The following VPS33A variants were observed in gnomAD, a reference collection of about 807,000 sequenced individuals.
The protein encoded by VPS33A is vacuolar protein sorting-associated protein 33A.
A neutral mutation model predicts 71.8 loss-of-function variants in VPS33A; 32 were observed. That is an observed-to-expected ratio of 0.45 (90% CI 0.34 to 0.60). The LOEUF (loss-of-function observed/expected upper bound fraction) is 0.60. Ranked by LOEUF, VPS33A falls within the 20% of genes least tolerant of loss-of-function variation. The probability of loss-of-function intolerance (pLI) is 0.02; values close to 1 mark genes in which losing one functional copy is unlikely to be tolerated. For missense variants in VPS33A, 625 were observed against 748.5 expected, an observed-to-expected ratio of 0.84 and a Z score of 1.92; for synonymous variants, 311 against 292.7, an observed-to-expected ratio of 1.06 and a Z score of -0.64.
At chr12:122,253,668 AT>A (rs755629923) in intron 4 of VPS33A, 1 of 154,114 alleles carries the variant, frequency 6.5e-6, no homozygotes, top group Non-Finnish European at 1.5e-5. Flanking sequence ...TTTTTAAAAG[AT>A]GTAAAAGTTA....
At chr12:122,260,084 T>C (rs1389056650) in intron 4 of VPS33A, among the ~76,000 whole-genome samples, 1 of 152,050 alleles carries the variant, frequency 6.6e-6, no homozygotes, top group South Asian at 2.1e-4. Flanking sequence ...AGCGAATTCA[T>C]ACAGACTGAA....
rs145837295 is a variant in VPS33A at position 122,235,132 on chromosome 12, A to AT, written c.1440+653dup. ...CTAAAGGCTCATACTACCACTGGCC[A>AT]TTTTTTTTGTAGAGACAAGGTTTTG... is the stretch of plus-strand genomic sequence containing the variant. On this transcript the variant is annotated intron_variant, in intron 11 of 12. Coordinates refer to ENST00000267199, the MANE Select transcript of VPS33A (RefSeq NM_022916.6). 6.6e-5 allele frequency among the ~76,000 whole-genome samples: 10 copies of AT among 151,132 alleles called. 1 individual carries two copies. In the South Asian group the frequency reaches 1.5e-3, roughly 22 times the overall value.
In VPS33A at chr12:122,249,940, A is replaced by T. The variant is rs954187974; in HGVS notation, c.706T>A (p.Leu236Ile). The T allele has an allele frequency of 3.1e-6, 5 of 1,614,174 alleles. No individual in the cohort carries two copies. The highest frequency in any genetic ancestry group is 4.2e-6 in the Non-Finnish European group (5 of 1,180,030). ...AGCTGAGTGGCAAGAGGTGTTAATAAATCCACATTCCGATCAAGCAACAAG... is the reference window on the plus strand; with the variant it reads ...AGCTGAGTGGCAAGAGGTGTTAATATATCCACATTCCGATCAAGCAACAAG... ...NLLLLDRNVD[L>I]LTPLATQLTY... The change falls in exon 6 of 13, where the codon TTA (leucine) becomes ATA (isoleucine). Residue 236 changes from leucine to isoleucine, a missense_variant. By Grantham distance (5) the Leu-to-Ile change is conservative. Transcript: ENST00000267199.
rs5801475 is a variant in VPS33A, at chr12:122,239,749, C to CAAAAAAAAAAAAAAAAAA, written c.1164+111_1164+128dup. The CAAAAAAAAAAAAAAAAAA allele has an allele frequency of 1.1e-3, 222 of 197,832 alleles. 42 individuals are homozygous for CAAAAAAAAAAAAAAAAAA. Among genetic ancestry groups the CAAAAAAAAAAAAAAAAAA allele is most frequent in the East Asian group, 1.8e-3 (5 of 2,778 alleles). 12.3% of individuals were successfully genotyped at this position (197,832 alleles called of 1,614,324 possible). On this transcript the variant is annotated intron_variant, in intron 9 of 12. Coordinates refer to ENST00000267199, the MANE Select transcript of VPS33A (RefSeq NM_022916.6). ...GGTGACACACAGTGAGACTCCGTCT[C>CAAAAAAAAAAAAAAAAAA]AAAAAAAAAAAAAAAAAAAAAAAAA...
In VPS33A at chr12:122,238,702, C is replaced by T; in HGVS notation, c.1187G>A (p.Cys396Tyr). 3.7e-6 allele frequency: 6 copies of T among 1,613,016 alleles called. No homozygotes were observed. The highest frequency in any genetic ancestry group is 1.1e-5 in the South Asian group (1 of 91,008). Reference protein sequence around the residue: ...TDKVNNYIEDCIAQKHSLIKV... With the variant: ...TDKVNNYIEDYIAQKHSLIKV... ...GATCAACGAGTGCTTTTGGGCGATA[C>T]AATCCTCAATGTAATTGTTGACCTG... Residue 396 changes from cysteine (C) to tyrosine (Y), a missense_variant, in exon 10 of 13, where the codon TGT (cysteine) becomes TAT (tyrosine). Physicochemically the swap from Cys to Tyr is radical, Grantham distance 194. Transcript: ENST00000267199.
chr12:122,261,024 C>T (rs999411997), intron 4 of VPS33A, among the ~76,000 whole-genome samples: 4 of 152,186 alleles, frequency 2.6e-5, no homozygotes, highest in African/African-American at 9.6e-5. Context: ...AAGTCACAGA[C>T]TGGGAAGATA....
At chr12:122,265,639 T>C in intron 1 of VPS33A, 2 of 411,150 alleles carry the variant, frequency 4.9e-6, no homozygotes, top group South Asian at 3.3e-5. Context: ...ACTTTACCTC[T>C]TGGGGTTCTG....
intron 8 of VPS33A, chr12:122,240,903 G>C (rs1954705128): frequency 6.6e-6 from 1 of 152,150 alleles, no homozygotes; most frequent in Non-Finnish European, 1.5e-5. Flanking sequence ...TGGGAGCCAA[G>C]GCAGGCGGAT....
At chr12:122,246,357 T>C (rs1326364765) in intron 6 of VPS33A, among the ~76,000 whole-genome samples, 1 of 152,096 alleles carries the variant, frequency 6.6e-6, no homozygotes. Context: ...TGGAGTGCAG[T>C]GGCGTGATCT....
Position 122,249,885 on chromosome 12 carries a change from T to G in VPS33A, c.761A>C (p.Tyr254Ser). 6.2e-7 allele frequency: 1 copy of G among 1,613,426 alleles called. No homozygotes were observed. Among genetic ancestry groups the G allele is most frequent in the Non-Finnish European group, 8.5e-7 (1 of 1,179,824 alleles). ...LTYEGLIDEI[Y>S]GIQNSYVKLP... ...CATGTACTTACTGTTCTGAATGCCA[T>G]AAATTTCATCAATGAGTCCTTCATA... Residue 254 changes from tyrosine to serine, a missense_variant, in exon 6 of 13, where the codon TAT (tyrosine) becomes TCT (serine). Tyr to Ser is a moderately radical substitution (Grantham distance 144). Coordinates refer to ENST00000267199, the MANE Select transcript of VPS33A (RefSeq NM_022916.6).
chr12:122,260,837 T>C lies in VPS33A; in HGVS notation c.483+424A>G, dbSNP rs564959636. On this transcript the variant is annotated intron_variant, in intron 4 of 12. Transcript: ENST00000267199. ...TAAAAATACAAAAATCAGCTAAGCA[T>C]AGTGGCGCACACTTGTAATCCCAGC... Among the ~76,000 whole-genome samples, 4 of 152,144 alleles carry C rather than the reference T, an allele frequency of 2.6e-5. No individual in the cohort carries two copies. The East Asian group carries it at 5.9e-4, about 22-fold the overall frequency.
chr12:122,249,177 ATGGCTACGCAGTT>A (rs1173301847), intron 6 of VPS33A: 2 of 152,138 alleles, frequency 1.3e-5, no homozygotes, highest in African/African-American at 4.8e-5. Flanking sequence ...TGAAATAGGC[ATGGCTACGCAGTT>A]TTTCATGTTC....
Position 122,245,743 on chromosome 12 carries a change from C to G in VPS33A, c.776-981G>C, listed in dbSNP as rs561515331. On this transcript the variant is annotated intron_variant, in intron 6 of 12. Coordinates refer to ENST00000267199, the MANE Select transcript of VPS33A (RefSeq NM_022916.6). Reference sequence around the variant, plus strand: ...TACAGGTGTGAGCCACCATGCCCAGCCCACTTTCTGTTTTTGCAAATAAAG... The same window carrying G: ...TACAGGTGTGAGCCACCATGCCCAGGCCACTTTCTGTTTTTGCAAATAAAG... Among the ~76,000 whole-genome samples, 5 of 152,320 alleles carry G rather than the reference C, an allele frequency of 3.3e-5. No homozygotes were observed. The East Asian group carries it at 9.6e-4, about 29-fold the overall frequency.
rs578177443 is a variant in VPS33A at position 122,265,230 on chromosome 12, A to G, written c.103-1031T>C. Among the ~76,000 whole-genome samples the G allele has an allele frequency of 1.2e-4, 19 of 152,164 alleles. No homozygotes were observed. The South Asian group carries it at 3.9e-3, about 32-fold the overall frequency. On this transcript the variant is annotated intron_variant, in intron 1 of 12. Transcript: ENST00000267199. Reference sequence around the variant, plus strand: ...CTATTCCACCACGCCTGGCCAAAAGAGAAAATCCTTAAAAGCTCAGTAAAT... The same window carrying G: ...CTATTCCACCACGCCTGGCCAAAAGGGAAAATCCTTAAAAGCTCAGTAAAT...
intron 10 of VPS33A, among the ~76,000 whole-genome samples, chr12:122,236,357 G>A (rs1028028907): frequency 6.6e-6 from 1 of 152,138 alleles, no homozygotes; most frequent in African/African-American, 2.4e-5. Context: ...AAGTAGCCAA[G>A]GTCTGGGCAT....
Position 122,232,422 on chromosome 12 carries a change from G to A in VPS33A, c.1615C>T (p.Pro539Ser), listed in dbSNP as rs1009255447. The A allele has an allele frequency of 1.2e-6, 2 of 1,610,366 alleles. No individual in the cohort carries two copies. Among genetic ancestry groups the A allele is most frequent in the Non-Finnish European group, 1.7e-6 (2 of 1,178,760 alleles). ...ATCAGAGTCACTCGGTTTTCTCCCG[G>A]TTGACCTAAAATTTAAACATTTCAG... ...LPTGLQKKRQ[P>S]GENRVTLIFF... Residue 539 changes from proline to serine, a missense_variant, in exon 13 of 13, where the codon CCG becomes TCG. Coordinates refer to ENST00000267199, the MANE Select transcript of VPS33A (RefSeq NM_022916.6).
intron 10 of VPS33A, 35 bp from the exon 11 acceptor site, chr12:122,235,958 C>G (rs1593194091): frequency 6.4e-7 from 1 of 1,572,524 alleles, no homozygotes. Context: ...GATGTCAGAT[C>G]AGGAAAAGGA....
chr12:122,238,766 T>TACACACAC lies in VPS33A; in HGVS notation c.1165-43_1165-42insGTGTGTGT, dbSNP rs745624372. The TACACACAC allele has an allele frequency of 1.8e-5, 25 of 1,354,064 alleles. No homozygotes were observed. The South Asian group carries it at 1.9e-4, about 10-fold the overall frequency. The allele number at this position is 1,354,064 out of a possible 1,614,324, so 83.9% of individuals were successfully genotyped here. ...ATACATATACATATACATTTACATA[T>TACACACAC]ACATACACACACACACACACACACA... is the stretch of plus-strand genomic sequence containing the variant. On this transcript the variant is annotated intron_variant, in intron 9 of 12. Coordinates refer to ENST00000267199, the MANE Select transcript of VPS33A (RefSeq NM_022916.6).
At position 122,232,398 on chromosome 12, in the gene VPS33A, T is replaced by A. The variant is rs763481573; in HGVS notation, c.1639A>T (p.Ile547Leu). The A allele has an allele frequency of 5.3e-5, 86 of 1,613,086 alleles. No homozygotes were observed. The highest frequency in any genetic ancestry group is 7.2e-5 in the Non-Finnish European group (85 of 1,179,806). The change falls in exon 13 of 13, where the codon ATA (isoleucine) becomes TTA (leucine). Residue 547 changes from isoleucine to leucine, a missense_variant. Physicochemically the swap from Ile to Leu is conservative, Grantham distance 5. Transcript: ENST00000267199. ...RQPGENRVTL[I>L]FFLGGVTFAE... is the part of the protein sequence containing the mutation. ...AAGGTTACGCCCCCAAGGAAAAATA[T>A]CAGAGTCACTCGGTTTTCTCCCGGT... is the stretch of plus-strand genomic sequence containing the variant.
Sources: gnomAD v4.1 joint callset for allele counts (sites outside exome capture counted in the v4.1 genomes callset) on GRCh38, gnomAD v4.1.1 for gene constraint, MANE v1.5 for transcripts, NCBI Gene and HGNC (gene_info 2026-07-23, HGNC 2026-07-21) for gene names.